The following LRBA variants were observed in gnomAD, a reference collection of about 807,000 sequenced individuals.
LRBA encodes the protein LPS responsive beige-like anchor protein.
In LRBA, 176 loss-of-function variants were observed where a neutral mutation model predicts 330.0. The ratio of observed to expected loss-of-function variants is 0.53; its 90% CI spans 0.47 to 0.60. The LOEUF is 0.60. Ranked by LOEUF, LRBA falls within the 20% of genes least tolerant of loss-of-function variation. LRBA has a pLI of 0.00. For synonymous variants in LRBA, 1,230 were observed against 1,193.0 expected (o/e 1.03, Z -0.64); for missense variants, 3,259 against 3,444.8 (o/e 0.95, Z 1.35).
chr4:150,408,434 C>T (rs1006982029), intron 47 of LRBA, among the ~76,000 whole-genome samples: 3 of 152,042 alleles, frequency 2.0e-5, no homozygotes, highest in African/African-American at 4.8e-5. Flanking sequence ...GCCTAAATAG[C>T]GTCAGTGGTG....
intron 28 of LRBA, among the ~76,000 whole-genome samples, chr4:150,843,876 T>C (rs1365310119): frequency 6.6e-6 from 1 of 152,214 alleles, no homozygotes; most frequent in African/African-American, 2.4e-5. Flanking sequence ...TAATAATGCA[T>C]TATTCCTTTT....
intron 40 of LRBA, among the ~76,000 whole-genome samples, chr4:150,543,268 G>A (rs1266605049): frequency 2.0e-5 from 3 of 152,076 alleles, no homozygotes; most frequent in Non-Finnish European, 4.4e-5. Flanking sequence ...CCTATATCTT[G>A]TTGCCAAGAG....
chr4:150,969,800 C>T (rs1739318253), intron 2 of LRBA, among the ~76,000 whole-genome samples: 2 of 152,174 alleles, frequency 1.3e-5, no homozygotes, highest in African/African-American at 4.8e-5. Flanking sequence ...AAATCTACAA[C>T]TGGTGAAGAT....
intron 37 of LRBA, among the ~76,000 whole-genome samples, chr4:150,682,910 A>G (rs925119770): frequency 2.0e-5 from 3 of 152,064 alleles, no homozygotes; most frequent in Non-Finnish European, 2.9e-5. Flanking sequence ...AGGATATATA[A>G]TTTGTCCAAG....
chr4:150,929,680 C>T (rs1734249557), intron 2 of LRBA, among the ~76,000 whole-genome samples: 1 of 152,184 alleles, frequency 6.6e-6, no homozygotes, highest in South Asian at 2.1e-4. Flanking sequence ...CTTGTCATCT[C>T]ACCCAGAGCC....
chr4:150,321,458 C>A lies in LRBA; in HGVS notation c.7453-90G>T. The stretch of plus-strand genomic sequence containing the variant: ...AGAAAGACAAGAAAGAGAGGGGGTG[C>A]AGGAAAAGAAGAGGAAGACCATATT... On this transcript the variant is annotated intron_variant, in intron 49 of 56. Coordinates refer to ENST00000651943, the MANE Select transcript of LRBA (RefSeq NM_001364905.1). The surrounding 1 kb of genome is among the most constrained non-coding windows in gnomAD (Gnocchi z 4.5). 8.7e-7 allele frequency: 1 copy of A among 1,143,812 alleles called. No homozygotes were observed. Among genetic ancestry groups the A allele is most frequent in the Non-Finnish European group, 1.2e-6 (1 of 824,450 alleles). 70.9% of individuals were successfully genotyped at this position (1,143,812 alleles called of 1,614,324 possible). A position where few individuals can be genotyped will look rare whatever the true frequency, so the allele number is the denominator to read the frequency against.
At chr4:150,808,918 A>G (rs1007361168) in intron 31 of LRBA, among the ~76,000 whole-genome samples, 1 of 152,194 alleles carries the variant, frequency 6.6e-6, no homozygotes. Flanking sequence ...ATTATCAGTT[A>G]TTTTCCCCTT....
At chr4:150,514,976 C>T (rs916781706) in intron 40 of LRBA, among the ~76,000 whole-genome samples, 1 of 151,996 alleles carries the variant, frequency 6.6e-6, no homozygotes, top group Non-Finnish European at 1.5e-5. Context: ...TTTATCTCGC[C>T]TTAAACTACC....
intron 2 of LRBA, among the ~76,000 whole-genome samples, chr4:150,931,871 T>G (rs988886879): frequency 6.6e-6 from 1 of 152,084 alleles, no homozygotes; most frequent in African/African-American, 2.4e-5. Flanking sequence ...AAGATTTAAA[T>G]GTAAAACTGA....
intron 40 of LRBA, among the ~76,000 whole-genome samples, chr4:150,571,761 C>T (rs1393877372): frequency 7.2e-6 from 1 of 138,444 alleles, no homozygotes; most frequent in Non-Finnish European, 1.5e-5. Context: ...TACAGACAAA[C>T]TCTGGTTCTG....
intron 22 of LRBA, among the ~76,000 whole-genome samples, chr4:150,864,644 CT>C (rs34280757): frequency 0.62 from 73,556 of 117,876 alleles, 24,618 homozygotes; most frequent in Middle Eastern, 0.8. Flanking sequence ...GGCCCACGTT[CT>C]TTTTTTTTTT....
intron 51 of LRBA, among the ~76,000 whole-genome samples, chr4:150,313,791 G>C (rs1008682175): frequency 6.7e-6 from 1 of 149,928 alleles, no homozygotes; most frequent in Non-Finnish European, 1.5e-5. Context: ...GGGGATGATA[G>C]CCAAGTCTAA....
At position 150,964,252 on chromosome 4, in the gene LRBA, C is replaced by G. The variant is rs566007428; in HGVS notation, c.217-35187G>C. On this transcript the variant is annotated intron_variant, in intron 2 of 56. Coordinates refer to ENST00000651943, the MANE Select transcript of LRBA (RefSeq NM_001364905.1). ...CCACCCTGTCTGGGAGATGGGGGGG[C>G]CCCTCTGCCCAGCAGCCCCGTCTGG... is the stretch of plus-strand genomic sequence containing the variant. Among the ~76,000 whole-genome samples the G allele has an allele frequency of 6.6e-4, 98 of 148,078 alleles. 1 individual carries two copies. The highest frequency in any genetic ancestry group is 1.1e-3 in the Non-Finnish European group (76 of 67,778).
chr4:150,436,847 G>A lies in LRBA; in HGVS notation c.6798C>T (p.Asn2266=). ...CAGCGAAGAATGCTGCTCTTTTTGG[G>A]TTCAGAGCTCCTATTGGCTGCCAAT... is the stretch of plus-strand genomic sequence containing the variant. ...RDLSKPIGAL[N]PKRAAFFAER... Residue 2266 remains asparagine, a synonymous_variant, in exon 45 of 57, where the codon AAC becomes AAT. Coordinates refer to ENST00000651943, the MANE Select transcript of LRBA (RefSeq NM_001364905.1). 6.2e-7 allele frequency: 1 copy of A among 1,613,506 alleles called. No individual in the cohort carries two copies. Among genetic ancestry groups the A allele is most frequent in the African/African-American group, 1.3e-5 (1 of 74,976 alleles).
Position 150,697,332 on chromosome 4 carries a change from A to ACAAC in LRBA, c.5755-13616_5755-13615insGTTG, listed in dbSNP as rs1561527514. Among the ~76,000 whole-genome samples the ACAAC allele has an allele frequency of 8.1e-4, 115 of 142,730 alleles. 4 individuals carry two copies. The highest frequency in any genetic ancestry group is 3.0e-3 in the African/African-American group (111 of 36,510). The allele number at this position is 142,730 out of a possible 152,430, so 93.6% of individuals were successfully genotyped here. A position where few individuals can be genotyped will look rare whatever the true frequency, so the allele number is the denominator to read the frequency against. On this transcript the variant is annotated intron_variant, in intron 36 of 56. Transcript: ENST00000651943. ...GAGTGAGACTTTGTCTCAGAAAAAA[A>ACAAC]AAAAAAAAAAAAAAAAAAACAGGGA... is the stretch of plus-strand genomic sequence containing the variant.
In LRBA at chr4:150,905,967, T is replaced by C. The variant is rs771874769; in HGVS notation, c.1626A>G (p.Arg542=). Residue 542 remains arginine (R), a synonymous_variant, in exon 13 of 57, where the codon AGA becomes AGG. Transcript: ENST00000651943. ...LEKSSKSHVS[R]AVLELCLAFS... ...ATGCAAGGCAAAGTTCAAGTACTGC[T>C]CTGCTAACATGAGATTTGGAAGACT... 6.2e-7 allele frequency: 1 copy of C among 1,613,618 alleles called. No individual in the cohort carries two copies.
intron 13 of LRBA, among the ~76,000 whole-genome samples, chr4:150,900,556 A>T (rs1730611002): frequency 6.6e-6 from 1 of 152,224 alleles, no homozygotes; most frequent in African/African-American, 2.4e-5. Flanking sequence ...TAGACTTATT[A>T]CTTATGCTAT....
intron 31 of LRBA, 27 bp downstream of exon 31, chr4:150,817,097 T>C (rs2126766021): frequency 6.2e-7 from 1 of 1,601,994 alleles, no homozygotes; most frequent in South Asian, 1.1e-5. Context: ...AAAACATTTT[T>C]GTTGAAATCA....
chr4:150,701,165 C>T (rs1785081923), intron 36 of LRBA, among the ~76,000 whole-genome samples: 2 of 152,182 alleles, frequency 1.3e-5, no homozygotes, highest in Admixed American at 1.3e-4. Context: ...AATATCACTG[C>T]CTTCCACCTC....
Sources: gnomAD v4.1 joint callset for allele counts (sites outside exome capture counted in the v4.1 genomes callset) on GRCh38, gnomAD v4.1.1 for gene constraint, Gnocchi (gnomAD v3.1) non-coding constraint, MANE v1.5 for transcripts, NCBI Gene and HGNC (gene_info 2026-07-23, HGNC 2026-07-21) for gene names.